The following EVC variants were observed in gnomAD, a reference collection of about 807,000 sequenced individuals.
The protein encoded by EVC is EvC ciliary complex subunit 1, also known as evC complex member EVC.
EVC carries 116 observed loss-of-function variants against 118.9 expected under a neutral mutation model. The observed-to-expected ratio is 0.98, with a 90% confidence interval of 0.84 to 1.14. EVC has a LOEUF of 1.14. Among genes scored for constraint, EVC ranks in the 50% most tolerant of loss-of-function variants. EVC has a pLI of 0.00. For missense variants in EVC, 1,401 were observed against 1,246.4 expected (o/e 1.12, Z -1.87); for synonymous variants, 619 against 534.7 (o/e 1.16, Z -2.18).
chr4:5,737,751 A>C lies in EVC; in HGVS notation c.703-3965A>C, dbSNP rs980003743. Among the ~76,000 whole-genome samples, 9 of 152,218 alleles carry C rather than the reference A, an allele frequency of 5.9e-5. No homozygotes were observed. The highest frequency in any genetic ancestry group is 1.0e-4 in the Non-Finnish European group (7 of 68,040). ...AAAATAAACTTCTTTTCAAAATGTTACTGGTCATTTTCAAAACCCCTGGTC... is the reference window on the plus strand; with the variant it reads ...AAAATAAACTTCTTTTCAAAATGTTCCTGGTCATTTTCAAAACCCCTGGTC... On this transcript the variant is annotated intron_variant, in intron 5 of 20. Coordinates refer to ENST00000264956, the MANE Select transcript of EVC (RefSeq NM_153717.3). The surrounding 1 kb of genome is among the most constrained non-coding windows in gnomAD (Gnocchi z 5.0).
chr4:5,767,758 C>G (rs1452920832), intron 11 of EVC, among the ~76,000 whole-genome samples: 6 of 152,172 alleles, frequency 3.9e-5, no homozygotes, highest in African/African-American at 9.7e-5. Flanking sequence ...CCTGCTTCGG[C>G]TAGCACATGG....
rs1379351113 is a variant in EVC, at chr4:5,737,564, A to T, written c.702+4129A>T. ...GGGGCTAATGCGGGAGATGACTTTA[A>T]GTTGAAGCCAGTGCTCATGCACCAC... On this transcript the variant is annotated intron_variant, in intron 5 of 20. Coordinates refer to ENST00000264956, the MANE Select transcript of EVC (RefSeq NM_153717.3). This position sits in a 1 kb window ranked among gnomAD's most constrained non-coding sequence, Gnocchi z 5.0. Among the ~76,000 whole-genome samples the T allele has an allele frequency of 1.3e-5, 2 of 152,206 alleles. No individual in the cohort carries two copies. The highest frequency in any genetic ancestry group is 2.9e-5 in the Non-Finnish European group (2 of 68,022).
In EVC at chr4:5,719,162, C is replaced by G; in HGVS notation, c.175-86C>G. 6.3e-7 allele frequency: 1 copy of G among 1,578,066 alleles called. No individual in the cohort carries two copies. The highest frequency in any genetic ancestry group is 8.7e-7 in the Non-Finnish European group (1 of 1,150,198). On this transcript the variant is annotated intron_variant, in intron 1 of 20. Transcript: ENST00000264956. This position sits in a 1 kb window ranked among gnomAD's most constrained non-coding sequence, Gnocchi z 4.7. The stretch of plus-strand genomic sequence containing the variant: ...GTGGCTGCTGGACTGGGGGAGTTGA[C>G]TGGCAAAAGTCACGGTGGGGACCAG...
At chr4:5,744,282 C>G (rs1015293471) in intron 6 of EVC, among the ~76,000 whole-genome samples, 3 of 152,188 alleles carry the variant, frequency 2.0e-5, no homozygotes, top group Admixed American at 6.5e-5. Context: ...ATTTCTCTTT[C>G]ACAGAGATGC....
chr4:5,800,776 G>T (rs1440841117), intron 15 of EVC, among the ~76,000 whole-genome samples: 1 of 152,184 alleles, frequency 6.6e-6, no homozygotes, highest in Non-Finnish European at 1.5e-5. Flanking sequence ...GGATGAGCAG[G>T]GGCTCGGGAG....
chr4:5,732,693 A>C (rs1396165392), intron 4 of EVC, among the ~76,000 whole-genome samples: 1 of 152,156 alleles, frequency 6.6e-6, no homozygotes, highest in Non-Finnish European at 1.5e-5. Context: ...GCACCGAGGA[A>C]AGGTGACACG....
chr4:5,723,592 T>A (rs1725334118), intron 2 of EVC, among the ~76,000 whole-genome samples: 1 of 152,114 alleles, frequency 6.6e-6, no homozygotes, highest in South Asian at 2.1e-4. Flanking sequence ...CTTTTCTTTG[T>A]CGTTTCTTTT....
chr4:5,785,281 T>C lies in EVC; in HGVS notation c.1776+1517T>C, dbSNP rs1445017042. 2.0e-5 allele frequency among the ~76,000 whole-genome samples: 3 copies of C among 152,164 alleles called. No individual in the cohort carries two copies. In the East Asian group the frequency reaches 5.8e-4, roughly 29 times the overall value. On this transcript the variant is annotated intron_variant, in intron 12 of 20. Coordinates refer to ENST00000264956, the MANE Select transcript of EVC (RefSeq NM_153717.3). ...GTGGGCTCCAGATGGTGGAGCAGTC[T>C]CAGACAGCCCTGAGCCCCTGGCAGT...
intron 12 of EVC, among the ~76,000 whole-genome samples, chr4:5,784,981 A>G (rs556076198): frequency 1.1e-4 from 16 of 152,308 alleles, no homozygotes; most frequent in African/African-American, 3.6e-4. Context: ...ACATCCACCA[A>G]GACAGCCCAC....
the EVC span, among the ~76,000 whole-genome samples, chr4:5,823,113 G>T: frequency 1.3e-5 from 2 of 152,140 alleles, no homozygotes; most frequent in Admixed American, 1.3e-4. Context: ...TCAAGTTTCA[G>T]TGCTAATCAT....
chr4:5,783,705 A>C lies in EVC; in HGVS notation c.1717A>C (p.Asn573His). 6.2e-7 allele frequency: 1 copy of C among 1,614,000 alleles called. No homozygotes were observed. Among genetic ancestry groups the C allele is most frequent in the Non-Finnish European group, 8.5e-7 (1 of 1,179,928 alleles). ...ENAAWQLGKS[N>H]RFRRQQWKLF... ...CGCTGCCTGGCAGCTGGGGAAGTCA[A>C]ATCGCTTCCGGAGGCAGCAGTGGAA... Residue 573 changes from asparagine (N) to histidine (H), a missense_variant, in exon 12 of 21, where the codon AAT becomes CAT. By Grantham distance (68) the Asn-to-His change is moderately conservative. Transcript: ENST00000264956.
At chr4:5,827,122 C>T in the EVC span, among the ~76,000 whole-genome samples, 3 of 152,310 alleles carry the variant, frequency 2.0e-5, no homozygotes, top group South Asian at 2.1e-4. Flanking sequence ...TGGGACCCCC[C>T]GATCCTATTG....
the EVC span, chr4:5,828,418 T>C: frequency 6.4e-7 from 1 of 1,560,614 alleles, no homozygotes; most frequent in Non-Finnish European, 8.7e-7. Context: ...ACACGTCAGA[T>C]CTCGATTCCC....
the EVC span, chr4:5,824,749 C>T: frequency 7.1e-6 from 7 of 985,208 alleles, no homozygotes; most frequent in Admixed American, 3.7e-4. Context: ...AATCACCATA[C>T]TCTTAGTACC....
In EVC at chr4:5,809,610, A is replaced by C; in HGVS notation, c.2781A>C (p.Leu927=). 1.2e-6 allele frequency: 2 copies of C among 1,614,038 alleles called. No individual in the cohort carries two copies. Among genetic ancestry groups the C allele is most frequent in the Non-Finnish European group, 1.7e-6 (2 of 1,179,946 alleles). The part of the protein sequence containing the change: ...SKLLPAKRGL[L]EKPLRTKRKK... ...TGTTGCCTGCTAAGCGTGGGCTGCT[A>C]GGTGAGTCACAGATGCTTGAGTTGC... The change falls in exon 19 of 21, where the codon CTA becomes CTC. Residue 927 remains leucine (L), a splice_region_variant and synonymous_variant. Transcript: ENST00000264956.
In EVC at chr4:5,808,317, C is replaced by T. The variant is rs948949808; in HGVS notation, c.2678C>T (p.Thr893Ile). The T allele has an allele frequency of 6.8e-6, 11 of 1,614,054 alleles. No homozygotes were observed. In the African/African-American group the frequency reaches 1.3e-4, roughly 20 times the overall value. Residue 893 changes from threonine (T) to isoleucine (I), a missense_variant, in exon 18 of 21, where the codon ACC (threonine) becomes ATC (isoleucine). Coordinates refer to ENST00000264956, the MANE Select transcript of EVC (RefSeq NM_153717.3). ...GACCTTCTGGAAGCCCAGCTGGAGACCCAGCTACAGGTACAAGTTACAGAA... is the reference window on the plus strand; with the variant it reads ...GACCTTCTGGAAGCCCAGCTGGAGATCCAGCTACAGGTACAAGTTACAGAA... ...VMDLLEAQLE[T>I]QLQEAEQNFI...
the EVC span, chr4:5,826,536 G>A: frequency 0.047 from 7,193 of 152,204 alleles, 175 homozygotes; most frequent in African/African-American, 0.062. Context: ...GGAAAGGGTT[G>A]TGGGGGCAGA....
At position 5,719,238 on chromosome 4, in the gene EVC, C is replaced by G. The variant is rs113406354; in HGVS notation, c.175-10C>G. 6.2e-7 allele frequency: 1 copy of G among 1,614,026 alleles called. No homozygotes were observed. Reference sequence around the variant, plus strand: ...CTATCCACCCCCAACTCCTGACCTTCGGGTTTTAGAAAGACGACACTCAAA... The same window carrying G: ...CTATCCACCCCCAACTCCTGACCTTGGGGTTTTAGAAAGACGACACTCAAA... On this transcript the variant is annotated splice_polypyrimidine_tract_variant and intron_variant, in intron 1 of 20. Transcript: ENST00000264956. The surrounding 1 kb of genome is among the most constrained non-coding windows in gnomAD (Gnocchi z 4.7).
At chr4:5,808,095 G>A in intron 17 of EVC, 106 bp from the exon 18 acceptor site, 1 of 928,408 alleles carries the variant, frequency 1.1e-6, no homozygotes, top group Non-Finnish European at 1.6e-6. Flanking sequence ...GCCCCTCTTG[G>A]GGCTCCCAGG....
Sources: gnomAD v4.1 joint callset for allele counts (sites outside exome capture counted in the v4.1 genomes callset) on GRCh38, gnomAD v4.1.1 for gene constraint, Gnocchi (gnomAD v3.1) non-coding constraint, MANE v1.5 for transcripts, NCBI Gene and HGNC (gene_info 2026-07-23, HGNC 2026-07-21) for gene names.